Variants in ZC3H7B observed in about 807,000 individuals in gnomAD.
ZC3H7B encodes zinc finger CCCH-type containing 7B.
Under a neutral mutation model 116.0 loss-of-function variants are expected in ZC3H7B, and 35 were observed. That is an observed-to-expected ratio of 0.30 (90% CI 0.23 to 0.40). The LOEUF (loss-of-function observed/expected upper bound fraction) is 0.40, where lower values mean the gene tolerates loss of function less well. Among genes scored for constraint, ZC3H7B ranks in the 10% least tolerant of loss-of-function variants. ZC3H7B has a pLI of 1.00. For missense variants in ZC3H7B, 1,011 were observed against 1,321.5 expected (o/e 0.77, Z 3.64); for synonymous variants, 502 against 545.6 (o/e 0.92, Z 1.11).
At chr22:41,310,174 C>T (rs1243083923) in intron 1 of ZC3H7B, among the ~76,000 whole-genome samples, 1 of 152,166 alleles carries the variant, frequency 6.6e-6, no homozygotes, top group Non-Finnish European at 1.5e-5. Context: ...CACTGCAGTC[C>T]AGCCTGGGCG....
chr22:41,348,177 A>G lies in ZC3H7B; in HGVS notation c.1766+10A>G. ...GCTTCTACAACAACAAGTGAGTGGG[A>G]CCCTCAGCCCAGGCTGAGGCCTAGG... On this transcript the variant is annotated intron_variant, in intron 15 of 22. Coordinates refer to ENST00000352645, the MANE Select transcript of ZC3H7B (RefSeq NM_017590.6). 1 of 1,612,702 alleles carries G rather than the reference A, an allele frequency of 6.2e-7. No individual in the cohort carries two copies. Among genetic ancestry groups the G allele is most frequent in the Non-Finnish European group, 8.5e-7 (1 of 1,179,046 alleles).
chr22:41,330,428 T>G (rs2036366903), intron 6 of ZC3H7B, among the ~76,000 whole-genome samples: 1 of 152,168 alleles, frequency 6.6e-6, no homozygotes, highest in South Asian at 2.1e-4. Context: ...ACCCATATGG[T>G]GCAAATTTGA....
At chr22:41,335,425 G>A (rs1458985248) in intron 7 of ZC3H7B, 1 of 152,438 alleles carries the variant, frequency 6.6e-6, no homozygotes, top group East Asian at 1.9e-4. Flanking sequence ...AGAAGGGCAG[G>A]AACAGTGAGC....
Position 41,351,652 on chromosome 22 carries a change from G to A in ZC3H7B, c.2034+6G>A, listed in dbSNP as rs1006864702. ...GGAAGGCCAGCAGCAGCATGGTAAG[G>A]CCTTCTGATACTATGCCATTATTCA... On this transcript the variant is annotated splice_donor_region_variant and intron_variant, in intron 17 of 22. Transcript: ENST00000352645. This position sits in a 1 kb window ranked among gnomAD's most constrained non-coding sequence, Gnocchi z 5.1. 2 of 1,612,902 alleles carry A rather than the reference G, an allele frequency of 1.2e-6. No individual in the cohort carries two copies. Among genetic ancestry groups the A allele is most frequent in the African/African-American group, 2.7e-5 (2 of 74,868 alleles).
At chr22:41,347,939 C>T in intron 14 of ZC3H7B, 128 bp from the exon 15 acceptor site, 1 of 748,038 alleles carries the variant, frequency 1.3e-6, no homozygotes, top group East Asian at 2.5e-5. Context: ...TTCCCTTCCT[C>T]ACTCCTCTGA....
intron 1 of ZC3H7B, among the ~76,000 whole-genome samples, chr22:41,312,061 G>A (rs551748307): frequency 6.6e-6 from 1 of 151,860 alleles, no homozygotes; most frequent in Non-Finnish European, 1.5e-5. Flanking sequence ...GGAGGCTGAG[G>A]CAGGAGAATG....
intron 7 of ZC3H7B, chr22:41,333,059 A>G (rs915250064): frequency 6.6e-6 from 1 of 152,262 alleles, no homozygotes; most frequent in African/African-American, 2.4e-5. Context: ...GGGCTATAAG[A>G]GCACTGATGG....
At chr22:41,325,447 T>A in intron 2 of ZC3H7B, 117 bp from the exon 3 acceptor site, 1 of 1,369,652 alleles carries the variant, frequency 7.3e-7, no homozygotes, top group Non-Finnish European at 1.0e-6. Context: ...AACCGCAGTC[T>A]GTTCACCCTA....
Position 41,349,582 on chromosome 22 carries a change from G to A in ZC3H7B, c.1948+281G>A, listed in dbSNP as rs2036632073. Among the ~76,000 whole-genome samples, 1 of 152,234 alleles carries A rather than the reference G, an allele frequency of 6.6e-6. No homozygotes were observed. The highest frequency in any genetic ancestry group is 2.1e-4 in the South Asian group (1 of 4,820). ...CAGGGAGCACGGAGAGGGGAGAGGAGCACCTGGGCTCCTGCAGCAGGACCT... is the reference window on the plus strand; with the variant it reads ...CAGGGAGCACGGAGAGGGGAGAGGAACACCTGGGCTCCTGCAGCAGGACCT... On this transcript the variant is annotated intron_variant, in intron 16 of 22. Transcript: ENST00000352645. The surrounding 1 kb of genome is among the most constrained non-coding windows in gnomAD (Gnocchi z 4.9).
intron 1 of ZC3H7B, among the ~76,000 whole-genome samples, chr22:41,318,391 T>C (rs1034581540): frequency 6.6e-6 from 1 of 151,840 alleles, no homozygotes; most frequent in Non-Finnish European, 1.5e-5. Context: ...TAGCCGGGTG[T>C]GGTGGCAGGC....
chr22:41,354,007 G>A (rs536269443), intron 17 of ZC3H7B, among the ~76,000 whole-genome samples: 133 of 152,324 alleles, frequency 8.7e-4, no homozygotes, highest in African/African-American at 2.9e-3. Flanking sequence ...GTGGCAGAAG[G>A]ATCCCTTGAG....
intron 7 of ZC3H7B, chr22:41,333,991 C>T (rs963468389): frequency 2.6e-5 from 4 of 152,194 alleles, no homozygotes; most frequent in African/African-American, 9.7e-5. Flanking sequence ...AAACAGCATT[C>T]CAGACCAGGT....
At position 41,302,165 on chromosome 22, in the gene ZC3H7B, C is replaced by T. The variant is rs951005797; in HGVS notation, c.-7+393C>T. On this transcript the variant is annotated intron_variant, in intron 1 of 22. Coordinates refer to ENST00000352645, the MANE Select transcript of ZC3H7B (RefSeq NM_017590.6). This position sits in a 1 kb window ranked among gnomAD's most constrained non-coding sequence, Gnocchi z 5.7. ...TGGGGTGTCCAGATGCTTTGCCGAC[C>T]CCGCGCAGGGGGTCTCGGGGGCTGG... Among the ~76,000 whole-genome samples, 1 of 152,030 alleles carries T rather than the reference C, an allele frequency of 6.6e-6. No individual in the cohort carries two copies. The highest frequency in any genetic ancestry group is 2.4e-5 in the African/African-American group (1 of 41,410).
chr22:41,341,468 G>A (rs528540427), intron 11 of ZC3H7B, among the ~76,000 whole-genome samples: 1 of 152,362 alleles, frequency 6.6e-6, no homozygotes, highest in East Asian at 1.9e-4. Context: ...TCTGGGCCGG[G>A]CGCGGTGGCT....
intron 2 of ZC3H7B, among the ~76,000 whole-genome samples, chr22:41,322,632 A>G (rs148862539): frequency 6.6e-6 from 1 of 152,264 alleles, no homozygotes; most frequent in East Asian, 1.9e-4. Context: ...TCTCACTTGC[A>G]CGAGCCCCTT....
intron 9 of ZC3H7B, 145 bp from the exon 10 acceptor site, chr22:41,339,671 G>A: frequency 1.4e-6 from 1 of 693,120 alleles, no homozygotes. Context: ...GGCCAGAAGG[G>A]ACCATAGTGA....
chr22:41,346,356 C>A lies in ZC3H7B; in HGVS notation c.1665+148C>A. The A allele has an allele frequency of 1.2e-6, 1 of 827,842 alleles. No individual in the cohort carries two copies. Among genetic ancestry groups the A allele is most frequent in the Non-Finnish European group, 1.9e-6 (1 of 531,016 alleles). The allele number at this position is 827,842 out of a possible 1,614,324, so 51.3% of individuals were successfully genotyped here. ...TTAGAACCAGTAGGTCCTGGAGGGT[C>A]AGTAAGTCTGGGCCCTAGGATCCTA... On this transcript the variant is annotated intron_variant, in intron 14 of 22. Transcript: ENST00000352645. The surrounding 1 kb of genome is among the most constrained non-coding windows in gnomAD (Gnocchi z 5.3).
In ZC3H7B at chr22:41,347,508, C is replaced by T. The variant is rs561038211; in HGVS notation, c.1666-559C>T. Among the ~76,000 whole-genome samples, 26 of 152,318 alleles carry T rather than the reference C, an allele frequency of 1.7e-4. No homozygotes were observed. In the South Asian group the frequency reaches 5.2e-3, roughly 30 times the overall value. On this transcript the variant is annotated intron_variant, in intron 14 of 22. Transcript: ENST00000352645. The stretch of plus-strand genomic sequence containing the variant: ...GTCCCTGAAGACCCCGCTTGGCCTC[C>T]GGAGTGAACTTGGCCCCTGTCTCCC...
chr22:41,345,090 C>T (rs1356898008), intron 13 of ZC3H7B, among the ~76,000 whole-genome samples: 15 of 152,142 alleles, frequency 9.9e-5, no homozygotes, highest in Non-Finnish European at 1.6e-4. Context: ...CCTAGGATTA[C>T]AGGCATGAGC....
Sources: gnomAD v4.1 joint callset for allele counts (sites outside exome capture counted in the v4.1 genomes callset) on GRCh38, gnomAD v4.1.1 for gene constraint, Gnocchi (gnomAD v3.1) non-coding constraint, MANE v1.5 for transcripts, NCBI Gene and HGNC (gene_info 2026-07-23, HGNC 2026-07-21) for gene names.